Variants in PHACTR2 observed in about 807,000 individuals in gnomAD.
PHACTR2 encodes chromosome 6 open reading frame 56.
PHACTR2 carries 30 observed loss-of-function variants against 76.0 expected under a neutral mutation model. The ratio of observed to expected loss-of-function variants is 0.39; its 90% CI spans 0.30 to 0.54. The LOEUF (loss-of-function observed/expected upper bound fraction) is 0.54. Ranked by LOEUF, PHACTR2 falls within the 20% of genes least tolerant of loss-of-function variation. PHACTR2 has a pLI of 0.61. For synonymous variants in PHACTR2, 292 were observed against 292.5 expected (o/e 1.00, Z 0.02); for missense variants, 696 against 781.1 (o/e 0.89, Z 1.30).
At chr6:143,741,075 C>T (rs1778930938) in intron 2 of PHACTR2, among the ~76,000 whole-genome samples, 1 of 152,158 alleles carries the variant, frequency 6.6e-6, no homozygotes, top group African/African-American at 2.4e-5. Context: ...TGGCGAAAAC[C>T]CATCTCTACT....
At chr6:143,586,796 T>C (rs1775635722) in intron 1 of PHACTR2, among the ~76,000 whole-genome samples, 2 of 151,976 alleles carry the variant, frequency 1.3e-5, no homozygotes, top group African/African-American at 4.8e-5. Flanking sequence ...CTGGTGGGAG[T>C]GTCTAATTGA....
chr6:143,756,250 T>A (rs1222561811), intron 4 of PHACTR2, among the ~76,000 whole-genome samples: 1 of 152,180 alleles, frequency 6.6e-6, no homozygotes, highest in Admixed American at 6.5e-5. Flanking sequence ...CCAGGCCCCC[T>A]GGGCATTTCT....
chr6:143,643,819 C>T (rs1000539425), intron 1 of PHACTR2, among the ~76,000 whole-genome samples: 1 of 152,038 alleles, frequency 6.6e-6, no homozygotes, highest in Non-Finnish European at 1.5e-5. Context: ...ATTTAGTGTC[C>T]TGTTTCCATG....
At position 143,730,222 on chromosome 6, in the gene PHACTR2, G is replaced by C. The variant is rs1373740740; in HGVS notation, c.214+18039G>C. Reference sequence around the variant, plus strand: ...ATTACTGCTGGGGTACTTTTTTTTGGCTAGGATTTTTATTTAAACTGCATT... The same window carrying C: ...ATTACTGCTGGGGTACTTTTTTTTGCCTAGGATTTTTATTTAAACTGCATT... On this transcript the variant is annotated intron_variant, in intron 2 of 12. Coordinates refer to ENST00000440869, the MANE Select transcript of PHACTR2 (RefSeq NM_001100164.2). This position sits in a 1 kb window ranked among gnomAD's most constrained non-coding sequence, Gnocchi z 4.8. Among the ~76,000 whole-genome samples, 1 of 151,706 alleles carries C rather than the reference G, an allele frequency of 6.6e-6. No homozygotes were observed. Among genetic ancestry groups the C allele is most frequent in the East Asian group, 1.9e-4 (1 of 5,188 alleles).
At position 143,652,810 on chromosome 6, in the gene PHACTR2, G is replaced by A. The variant is rs78905990; in HGVS notation, c.13+44488G>A. Among the ~76,000 whole-genome samples the A allele has an allele frequency of 0.088, 13,435 of 152,158 alleles. 728 individuals carry two copies. The highest frequency in any genetic ancestry group is 0.19 in the South Asian group (928 of 4,816). On this transcript the variant is annotated intron_variant, in intron 1 of 11. Transcript: ENST00000305766. The surrounding 1 kb of genome is among the most constrained non-coding windows in gnomAD (Gnocchi z 4.5). ...CACCTGGACCGCCTGCTCTGGTCAT[G>A]TGTGTGTGTGATCTATAATAGGGTC...
intron 12 of PHACTR2, among the ~76,000 whole-genome samples, chr6:143,812,011 G>A (rs1182135774): frequency 6.6e-6 from 1 of 152,096 alleles, no homozygotes; most frequent in Non-Finnish European, 1.5e-5. Flanking sequence ...ATGAGACATT[G>A]TCTCCTTATA....
chr6:143,706,936 C>T (rs1163587201), intron 1 of PHACTR2, among the ~76,000 whole-genome samples: 1 of 152,128 alleles, frequency 6.6e-6, no homozygotes, highest in African/African-American at 2.4e-5. Flanking sequence ...GTACATCCGC[C>T]CTTGTTTAAT....
At chr6:143,808,388 C>T (rs188932246) in intron 12 of PHACTR2, among the ~76,000 whole-genome samples, 1 of 151,432 alleles carries the variant, frequency 6.6e-6, no homozygotes, top group Non-Finnish European at 1.5e-5. Flanking sequence ...CTCAGCCTCT[C>T]AGAATGCTGG....
In PHACTR2 at chr6:143,765,338, C is replaced by A; in HGVS notation, c.772C>A (p.Pro258Thr). Residue 258 changes from proline to threonine, a missense_variant, in exon 6 of 13, where the codon CCC becomes ACC. Pro to Thr is a conservative substitution (Grantham distance 38, BLOSUM62 -1). This residue lies in a region of PHACTR2 where 460 missense variants were observed against 450.9 expected (regional missense o/e 1.02). Coordinates refer to ENST00000440869, the MANE Select transcript of PHACTR2 (RefSeq NM_001100164.2). This position sits in a 1 kb window ranked among gnomAD's most constrained non-coding sequence, Gnocchi z 4.1. Reference sequence around the variant, plus strand: ...ATCCACTTCATCCACCTCATCTCGTCCCAAAGCTTCAAAGGAGACAGTTTC... The same window carrying A: ...ATCCACTTCATCCACCTCATCTCGTACCAAAGCTTCAAAGGAGACAGTTTC... ...SPSTSSTSSR[P>T]KASKETVSSK... 1 of 1,614,192 alleles carries A rather than the reference C, an allele frequency of 6.2e-7. No individual in the cohort carries two copies. Among genetic ancestry groups the A allele is most frequent in the Non-Finnish European group, 8.5e-7 (1 of 1,180,028 alleles).
chr6:143,576,284 C>G (rs949047280), intron 1 of PHACTR2, among the ~76,000 whole-genome samples: 1 of 152,156 alleles, frequency 6.6e-6, no homozygotes, highest in Non-Finnish European at 1.5e-5. Context: ...CATGACATAG[C>G]TTTGGAAGGT....
At chr6:143,732,055 A>G (rs566902211) in intron 2 of PHACTR2, among the ~76,000 whole-genome samples, 7 of 152,168 alleles carry the variant, frequency 4.6e-5, no homozygotes, top group Non-Finnish European at 8.8e-5. Flanking sequence ...TGCAAATGCT[A>G]CTTTCTCAGT....
chr6:143,598,483 G>T lies in PHACTR2; in HGVS notation c.217+61276G>T, dbSNP rs549073948. ...CCCAGAACCATCAGAGTAAATTTTGGCTGTTTTAAGCCACTAAATTGGTGG... is the reference window on the plus strand; with the variant it reads ...CCCAGAACCATCAGAGTAAATTTTGTCTGTTTTAAGCCACTAAATTGGTGG... On this transcript the variant is annotated intron_variant, in intron 1 of 11. Transcript: ENST00000367584. This position sits in a 1 kb window ranked among gnomAD's most constrained non-coding sequence, Gnocchi z 4.1. 6.6e-6 allele frequency among the ~76,000 whole-genome samples: 1 copy of T among 152,262 alleles called. No individual in the cohort carries two copies. Among genetic ancestry groups the T allele is most frequent in the African/African-American group, 2.4e-5 (1 of 41,534 alleles).
Position 143,662,444 on chromosome 6 carries a change from A to T in PHACTR2, c.14-49572A>T, listed in dbSNP as rs1481828888. On this transcript the variant is annotated intron_variant, in intron 1 of 11. Transcript: ENST00000305766. The surrounding 1 kb of genome is among the most constrained non-coding windows in gnomAD (Gnocchi z 4.7). ...TGTCGTTTGGAGTTTTAAAGATATC[A>T]TTGTACTACAAATAAAAAATATTAC... is the stretch of plus-strand genomic sequence containing the variant. Among the ~76,000 whole-genome samples the T allele has an allele frequency of 1.3e-5, 2 of 152,212 alleles. No homozygotes were observed. The highest frequency in any genetic ancestry group is 4.8e-5 in the African/African-American group (2 of 41,464).
In PHACTR2 at chr6:143,743,767, G is replaced by A. The variant is rs9321941; in HGVS notation, c.215-5218G>A. On this transcript the variant is annotated intron_variant, in intron 2 of 12. Coordinates refer to ENST00000440869, the MANE Select transcript of PHACTR2 (RefSeq NM_001100164.2). The surrounding 1 kb of genome is among the most constrained non-coding windows in gnomAD (Gnocchi z 5.0). Reference sequence around the variant, plus strand: ...TTCAGTACTCAGAACTGAGAAGATAGCATGGCACGCTTATTTAATAGTCTT... The same window carrying A: ...TTCAGTACTCAGAACTGAGAAGATAACATGGCACGCTTATTTAATAGTCTT... Among the ~76,000 whole-genome samples, 60,674 of 152,042 alleles carry A rather than the reference G, an allele frequency of 0.4. 12,725 individuals are homozygous for A. The highest frequency in any genetic ancestry group is 0.48 in the Non-Finnish European group (32,407 of 67,970).
intron 1 of PHACTR2, among the ~76,000 whole-genome samples, chr6:143,657,950 C>G (rs1776877385): frequency 6.6e-6 from 1 of 152,140 alleles, no homozygotes; most frequent in Non-Finnish European, 1.5e-5. Flanking sequence ...CCCTTTATTT[C>G]TGAGGGGGGG....
At chr6:143,694,082 G>C (rs1777714325) in intron 1 of PHACTR2, among the ~76,000 whole-genome samples, 1 of 147,372 alleles carries the variant, frequency 6.8e-6, no homozygotes, top group Admixed American at 6.9e-5. Flanking sequence ...TAAAGAAAAA[G>C]AAGGAAGGAG....
At chr6:143,620,017 G>C (rs1776124773) in intron 1 of PHACTR2, among the ~76,000 whole-genome samples, 3 of 152,072 alleles carry the variant, frequency 2.0e-5, no homozygotes, top group South Asian at 4.2e-4. Context: ...TTAACCTTAG[G>C]GTCACTTTTT....
At chr6:143,781,728 A>G (rs1210966413) in intron 9 of PHACTR2, among the ~76,000 whole-genome samples, 1 of 152,228 alleles carries the variant, frequency 6.6e-6, no homozygotes, top group Admixed American at 6.5e-5. Context: ...CTAAGTATGC[A>G]TTTTTAAGGA....
intron 2 of PHACTR2, among the ~76,000 whole-genome samples, chr6:143,746,609 C>A (rs1779072184): frequency 6.6e-6 from 1 of 152,112 alleles, no homozygotes; most frequent in Non-Finnish European, 1.5e-5. Context: ...CGCCACCCCT[C>A]AGAGCCCAGT....
Sources: gnomAD v4.1 joint callset for allele counts (sites outside exome capture counted in the v4.1 genomes callset) on GRCh38, gnomAD v4.1.1 for gene constraint, gnomAD v4.1.1 regional missense constraint, Gnocchi (gnomAD v3.1) non-coding constraint, MANE v1.5 for transcripts, NCBI Gene and HGNC (gene_info 2026-07-23, HGNC 2026-07-21) for gene names.